Variants in ABHD3 observed in about 807,000 individuals in gnomAD.
The protein encoded by ABHD3 is phospholipase ABHD3.
In ABHD3, 46 loss-of-function variants were observed where a neutral mutation model predicts 48.8. The observed-to-expected ratio is 0.94, with a 90% CI of 0.74 to 1.20. ABHD3 has a LOEUF of 1.20. Ranked by LOEUF, ABHD3 falls within the 50% of genes most tolerant of loss-of-function variation. The pLI is 0.00. For synonymous variants in ABHD3, 192 were observed against 183.7 expected, an observed-to-expected ratio of 1.04 and a Z score of -0.36; for missense variants, 490 against 497.8, an observed-to-expected ratio of 0.98 and a Z score of 0.15.
At position 21,668,200 on chromosome 18, in the gene ABHD3, CAAAAAAAAA is replaced by C. The variant is rs747590942; in HGVS notation, c.556-3979_556-3971del. 1.2e-3 allele frequency among the ~76,000 whole-genome samples: 72 copies of C among 61,332 alleles called. No homozygotes were observed. The East Asian group carries it at 0.029, about 25-fold the overall frequency. 40.2% of individuals were successfully genotyped at this position (61,332 alleles called of 152,430 possible). On this transcript the variant is annotated intron_variant, in intron 4 of 8. Transcript: ENST00000289119. ...TGGGCAACAAAGCAAGAATCTATCTCAAAAAAAAAAAAAAAAAAAAGAAAGAAAAAGAAA... is the reference window on the plus strand; with the variant it reads ...TGGGCAACAAAGCAAGAATCTATCTCAAAAAAAAAAAGAAAGAAAAAGAAA...
Position 21,683,942 on chromosome 18 carries a change from C to T in ABHD3, c.533G>A (p.Gly178Glu), listed in dbSNP as rs2040067988. 1 of 1,601,282 alleles carries T rather than the reference C, an allele frequency of 6.2e-7. No individual in the cohort carries two copies. Among genetic ancestry groups the T allele is most frequent in the African/African-American group, 1.3e-5 (1 of 74,652 alleles). Residue 178 changes from glycine (G) to glutamate (E), a missense_variant, in exon 4 of 9, where the codon GGA becomes GAA. Transcript: ENST00000289119. ...GYRCVVFNNR[G>E]VAGENLLTPR... Reference sequence around the variant, plus strand: ...TACCAAGAGATTCTCCCCCGCCACTCCTCTGTTGTTAAAAACCACACATCT... The same window carrying T: ...TACCAAGAGATTCTCCCCCGCCACTTCTCTGTTGTTAAAAACCACACATCT...
intron 5 of ABHD3, 138 bp downstream of exon 5, chr18:21,663,980 G>A (rs1357609711): frequency 1.2e-5 from 17 of 1,426,062 alleles, no homozygotes; most frequent in East Asian, 5.1e-5. Flanking sequence ...TCAATCAACC[G>A]CATTTAATAA....
intron 3 of ABHD3, 90 bp downstream of exon 3, chr18:21,702,226 G>T: frequency 8.6e-7 from 1 of 1,168,602 alleles, no homozygotes. Flanking sequence ...TATGCAAGAA[G>T]TACTAAGTAT....
chr18:21,667,234 CTTTTTT>C (rs745430805), intron 4 of ABHD3, among the ~76,000 whole-genome samples: 3 of 81,440 alleles, frequency 3.7e-5, no homozygotes, highest in African/African-American at 2.0e-4. Flanking sequence ...CCACCACACC[CTTTTTT>C]TTTTTTTTTT....
At chr18:21,702,255 G>C in intron 3 of ABHD3, 61 bp downstream of exon 3, 1 of 1,334,960 alleles carries the variant, frequency 7.5e-7, no homozygotes, top group African/African-American at 1.5e-5. Context: ...CAAACATGTA[G>C]ATATATTTGT....
chr18:21,683,132 T>C (rs1262901205), intron 4 of ABHD3: 1 of 155,878 alleles, frequency 6.4e-6, no homozygotes, highest in Non-Finnish European at 1.4e-5. Context: ...TCTCTATCAA[T>C]GACCCAAAAA....
intron 8 of ABHD3, among the ~76,000 whole-genome samples, chr18:21,656,011 C>A (rs1182820799): frequency 6.6e-6 from 1 of 151,804 alleles, no homozygotes; most frequent in Non-Finnish European, 1.5e-5. Flanking sequence ...CAAAAATTAG[C>A]CAGGCATGAT....
intron 4 of ABHD3, chr18:21,683,486 G>A: frequency 2.0e-6 from 1 of 500,422 alleles, no homozygotes; most frequent in Admixed American, 2.2e-5. Flanking sequence ...GTTTTGCACT[G>A]GTTAATTTTT....
chr18:21,689,574 A>AAAAG (rs1555681996), intron 3 of ABHD3, among the ~76,000 whole-genome samples: 1 of 148,608 alleles, frequency 6.7e-6, no homozygotes, highest in Admixed American at 6.7e-5. Flanking sequence ...AAAAAAAAAA[A>AAAAG]GGGAAATGCT....
intron 5 of ABHD3, 84 bp downstream of exon 5, chr18:21,664,034 A>G: frequency 6.8e-7 from 1 of 1,478,570 alleles, no homozygotes; most frequent in Non-Finnish European, 8.9e-7. Context: ...AAGTGTCCAT[A>G]CAGCTAGCTT....
chr18:21,667,234 CTTTTTTTTTTTTT>C (rs745430805), intron 4 of ABHD3, among the ~76,000 whole-genome samples: 1 of 81,474 alleles, frequency 1.2e-5, no homozygotes. Context: ...CCACCACACC[CTTTTTTTTTTTTT>C]TTTTTTTTTT....
chr18:21,694,098 T>C (rs1482146007), intron 3 of ABHD3, among the ~76,000 whole-genome samples: 2 of 151,428 alleles, frequency 1.3e-5, no homozygotes, highest in East Asian at 3.9e-4. Context: ...GGATCACATT[T>C]TTTTTTAAAA....
Position 21,703,726 on chromosome 18 carries a change from C to T in ABHD3, c.184G>A (p.Gly62Ser), listed in dbSNP as rs2040568319. Residue 62 changes from glycine to serine, a missense_variant, in exon 2 of 9, where the codon GGT becomes AGT. Transcript: ENST00000289119. ...TGAAGGAAGCGGCTGAAACTCTCAC[C>T]CCCGGTCACTAACTGGGGTTTCTGA... ...IAKKPQLVTG[G>S]ESFSRFLQDH... 3.1e-6 allele frequency: 5 copies of T among 1,613,850 alleles called. No homozygotes were observed. The highest frequency in any genetic ancestry group is 4.2e-6 in the Non-Finnish European group (5 of 1,179,958).
Position 21,702,600 on chromosome 18 carries a change from A to G in ABHD3, c.327-102T>C, listed in dbSNP as rs1041357883. 44 of 1,080,046 alleles carry G rather than the reference A, an allele frequency of 4.1e-5. No homozygotes were observed. The East Asian group carries it at 1.1e-3, about 28-fold the overall frequency. The allele number at this position is 1,080,046 out of a possible 1,614,324, so 66.9% of individuals were successfully genotyped here. Reference sequence around the variant, plus strand: ...CATTATTTGCTCATCAAAAAATAACATTTTTCCAGCATTCACGAACACACA... The same window carrying G: ...CATTATTTGCTCATCAAAAAATAACGTTTTTCCAGCATTCACGAACACACA... On this transcript the variant is annotated intron_variant, in intron 2 of 8. Transcript: ENST00000289119.
chr18:21,672,606 A>G (rs2039780537), intron 4 of ABHD3, among the ~76,000 whole-genome samples: 1 of 152,214 alleles, frequency 6.6e-6, no homozygotes, highest in African/African-American at 2.4e-5. Context: ...CCTCCCCAAG[A>G]GGAACAATGC....
At chr18:21,683,527 G>A (rs780469988) in intron 4 of ABHD3, 1 of 513,468 alleles carries the variant, frequency 1.9e-6, no homozygotes, top group South Asian at 1.5e-5. Flanking sequence ...TAAAAATGAG[G>A]CCTTCTCTTC....
At chr18:21,656,741 G>T in intron 8 of ABHD3, 120 bp downstream of exon 8, 1 of 949,676 alleles carries the variant, frequency 1.1e-6, no homozygotes, top group Non-Finnish European at 1.5e-6. Context: ...TGTGTTATGA[G>T]TATCTAGTTT....
In ABHD3 at chr18:21,651,387, C is replaced by G; in HGVS notation, c.*204G>C. The G allele has an allele frequency of 2.3e-6, 1 of 438,794 alleles. No individual in the cohort carries two copies. The highest frequency in any genetic ancestry group is 3.9e-6 in the Non-Finnish European group (1 of 256,058). 27.2% of individuals were successfully genotyped at this position (438,794 alleles called of 1,614,324 possible). A position where few individuals can be genotyped will look rare whatever the true frequency, so the allele number is the denominator to read the frequency against. On this transcript the variant is annotated 3_prime_UTR_variant, in exon 9 of 9. Coordinates refer to ENST00000289119, the MANE Select transcript of ABHD3 (RefSeq NM_138340.5). ...TAAGGCATAGTAAAAATAAAATCTA[C>G]GTAAGTAACAATCTAATACTATATT...
chr18:21,656,730 C>T, intron 8 of ABHD3, 131 bp downstream of exon 8: 1 of 855,092 alleles, frequency 1.2e-6, no homozygotes, highest in Non-Finnish European at 1.7e-6. Context: ...CATTTAGATA[C>T]TGTGTTATGA....
Sources: allele counts gnomAD v4.1 joint callset (sites outside exome capture counted in the v4.1 genomes callset), GRCh38; gene constraint gnomAD v4.1.1; transcripts MANE v1.5; gene names NCBI Gene and HGNC (gene_info 2026-07-23, HGNC 2026-07-21).